Variants in SIK3 observed in about 807,000 individuals in gnomAD.
The protein encoded by SIK3 is serine/threonine-protein kinase SIK3.
SIK3 carries 28 observed loss-of-function variants against 144.2 expected under a neutral mutation model. The observed-to-expected ratio is 0.19, with a 90% CI of 0.14 to 0.27. The LOEUF (loss-of-function observed/expected upper bound fraction) is 0.27, where lower values mean the gene tolerates loss of function less well. SIK3 is among the 10% of genes least tolerant of loss of function. The pLI, the probability that SIK3 is intolerant of heterozygous loss-of-function variation, is 1.00. For synonymous variants in SIK3, 686 were observed against 676.3 expected, an observed-to-expected ratio of 1.01 and a Z score of -0.22; for missense variants, 1,319 against 1,776.0, an observed-to-expected ratio of 0.74 and a Z score of 4.62.
At chr11:117,036,247 G>A (rs1178928242) in intron 1 of SIK3, among the ~76,000 whole-genome samples, 1 of 151,808 alleles carries the variant, frequency 6.6e-6, no homozygotes, top group Non-Finnish European at 1.5e-5. Flanking sequence ...AAAAAATAAT[G>A]TAGGTAGTTT....
chr11:116,916,849 A>AATCCT (rs940760799), intron 4 of SIK3, among the ~76,000 whole-genome samples: 8 of 151,950 alleles, frequency 5.3e-5, no homozygotes, highest in African/African-American at 1.9e-4. Context: ...TCATGCCTAT[A>AATCCT]ATCCTAGCAC....
intron 1 of SIK3, among the ~76,000 whole-genome samples, chr11:117,066,628 T>C (rs1353997923): frequency 4.6e-5 from 7 of 151,140 alleles, no homozygotes; most frequent in African/African-American, 1.5e-4. Context: ...CTTAAACAGC[T>C]AGGCTCAAGT....
chr11:116,857,860 T>C lies in SIK3; in HGVS notation c.3605A>G (p.Tyr1202Cys), dbSNP rs1404086831. 1.2e-6 allele frequency: 2 copies of C among 1,614,222 alleles called. No individual in the cohort carries two copies. The highest frequency in any genetic ancestry group is 1.7e-5 in the Admixed American group (1 of 60,028). ...SHAQELGIHP[Y>C]GHQPTAAFSK... ...GAATGCAGCAGTTGGCTGATGACCA[T>C]AGGGATGTATCCCCAATTCTTGGGC... The change falls in exon 21 of 25, where the codon TAT becomes TGT. Residue 1202 changes from tyrosine to cysteine, a missense_variant. Tyr to Cys is a radical substitution (Grantham distance 194, BLOSUM62 -2). Transcript: ENST00000445177.
intron 1 of SIK3, among the ~76,000 whole-genome samples, chr11:117,041,586 A>C (rs566813054): frequency 6.6e-6 from 1 of 152,224 alleles, no homozygotes; most frequent in African/African-American, 2.4e-5. Flanking sequence ...TGGGAAAAGT[A>C]TGATGCCATA....
intron 1 of SIK3, among the ~76,000 whole-genome samples, chr11:117,061,019 A>C (rs569152029): frequency 6.1e-4 from 93 of 152,260 alleles, no homozygotes; most frequent in Middle Eastern, 6.8e-3. Context: ...GGCTGAGGTG[A>C]AGGGATCGCT....
intron 1 of SIK3, among the ~76,000 whole-genome samples, chr11:117,012,661 C>G (rs1951311157): frequency 1.3e-5 from 2 of 152,080 alleles, no homozygotes; most frequent in Admixed American, 6.6e-5. Context: ...TCCTAGCTCA[C>G]CCTGGTAGCC....
chr11:116,961,337 A>G (rs999380203), intron 1 of SIK3, among the ~76,000 whole-genome samples: 3 of 152,204 alleles, frequency 2.0e-5, no homozygotes, highest in Admixed American at 1.3e-4. Context: ...TTTTCTAAAA[A>G]GCAGAAAAAT....
intron 1 of SIK3, among the ~76,000 whole-genome samples, chr11:117,017,498 T>C (rs1191247284): frequency 6.6e-6 from 1 of 150,554 alleles, no homozygotes; most frequent in Non-Finnish European, 1.5e-5. Flanking sequence ...AGCACAGGCC[T>C]AGTACATAGT....
At chr11:116,887,527 G>C (rs1285321135) in intron 6 of SIK3, among the ~76,000 whole-genome samples, 1 of 150,862 alleles carries the variant, frequency 6.6e-6, no homozygotes, top group East Asian at 2.0e-4. Flanking sequence ...TGAGGCAAGA[G>C]AATCACTTGA....
chr11:116,959,588 G>A (rs1949267945), intron 1 of SIK3, among the ~76,000 whole-genome samples: 1 of 152,176 alleles, frequency 6.6e-6, no homozygotes, highest in African/African-American at 2.4e-5. Context: ...TGAAATTTGT[G>A]CATTCTTTCA....
chr11:116,851,064 G>A (rs1226017501), intron 21 of SIK3, among the ~76,000 whole-genome samples: 1 of 152,174 alleles, frequency 6.6e-6, no homozygotes. Flanking sequence ...TCCTGTCAGA[G>A]CATACCATTC....
chr11:116,993,820 A>C (rs1950572667), intron 1 of SIK3, among the ~76,000 whole-genome samples: 1 of 152,346 alleles, frequency 6.6e-6, no homozygotes, highest in East Asian at 1.9e-4. Flanking sequence ...ATGTACAGCA[A>C]AGAGACCAAT....
intron 1 of SIK3, among the ~76,000 whole-genome samples, chr11:117,057,685 C>T (rs1953600746): frequency 1.3e-5 from 2 of 152,162 alleles, no homozygotes; most frequent in African/African-American, 2.4e-5. Context: ...CAGTTTAGAA[C>T]GTGGGCACTG....
chr11:116,863,540 A>T, intron 16 of SIK3, 128 bp downstream of exon 16: 1 of 1,384,382 alleles, frequency 7.2e-7, no homozygotes, highest in Non-Finnish European at 9.9e-7. Flanking sequence ...AGAAAGCTAT[A>T]CTTTTTTAAC....
chr11:116,950,192 A>T (rs1220155712), intron 3 of SIK3: 5 of 470,368 alleles, frequency 1.1e-5, no homozygotes, highest in South Asian at 3.1e-5. Context: ...TCTTAACTGC[A>T]CTTCTCCAGG....
intron 1 of SIK3, chr11:117,016,047 T>G (rs1231638329): frequency 6.6e-6 from 1 of 151,964 alleles, no homozygotes; most frequent in African/African-American, 2.4e-5. Flanking sequence ...AAATCCTGGC[T>G]AGGCATCATG....
At chr11:117,078,985 T>C (rs1426746577) in intron 1 of SIK3, among the ~76,000 whole-genome samples, 2 of 122,722 alleles carry the variant, frequency 1.6e-5, no homozygotes, top group African/African-American at 9.5e-5. Context: ...TTAAGTATGA[T>C]ATCCTAAAAA....
At chr11:117,093,043 T>A (rs960543945) in intron 1 of SIK3, among the ~76,000 whole-genome samples, 1 of 152,188 alleles carries the variant, frequency 6.6e-6, no homozygotes, top group African/African-American at 2.4e-5. Context: ...TCAAAAACGT[T>A]TAGCAACCCC....
chr11:116,897,864 C>T (rs982995212), intron 4 of SIK3, among the ~76,000 whole-genome samples: 6 of 150,660 alleles, frequency 4.0e-5, no homozygotes, highest in African/African-American at 1.2e-4. Flanking sequence ...GCCTGGGCGA[C>T]AGAGCAAGAC....
Sources: gnomAD v4.1 joint callset for allele counts (sites outside exome capture counted in the v4.1 genomes callset) on GRCh38, gnomAD v4.1.1 for gene constraint, MANE v1.5 for transcripts, NCBI Gene and HGNC (gene_info 2026-07-23, HGNC 2026-07-21) for gene names.